Variants in SMG5 observed in about 807,000 individuals in gnomAD.
SMG5 encodes nonsense-mediated mRNA decay factor SMG5.
Under a neutral mutation model 122.9 loss-of-function variants are expected in SMG5, and 53 were observed. That is an observed-to-expected ratio of 0.43 (90% CI 0.35 to 0.54). SMG5 has a LOEUF of 0.54. SMG5 is among the 20% of genes least tolerant of loss of function. SMG5 has a pLI of 0.01. For synonymous variants in SMG5, 477 were observed against 490.2 expected, an observed-to-expected ratio of 0.97 and a Z score of 0.35; for missense variants, 1,153 against 1,285.6, an observed-to-expected ratio of 0.90 and a Z score of 1.58.
chr1:156,267,483 G>C lies in SMG5; in HGVS notation c.1104C>G (p.Ser368Arg), dbSNP rs932037708. The change falls in exon 10 of 22, where the codon AGC becomes AGG. Residue 368 changes from serine (S) to arginine (R), a missense_variant. By Grantham distance (110) the Ser-to-Arg change is moderately radical. Transcript: ENST00000361813. ...MVIICLMCVH[S>R]LERAGSKQYS... ...AGGGAAGGTTACCTGCTCTCTCCAA[G>C]CTGTGCACACACATAAGGCAGATGA... 5 of 1,614,008 alleles carry C rather than the reference G, an allele frequency of 3.1e-6. No individual in the cohort carries two copies. The African/African-American group carries it at 5.3e-5, about 17-fold the overall frequency.
chr1:156,289,390 C>G, the SMG5 span, among the ~76,000 whole-genome samples: 1 of 151,540 alleles, frequency 6.6e-6, no homozygotes, highest in Non-Finnish European at 1.5e-5. Flanking sequence ...GGGTGGATCA[C>G]CAGGTCAGGA....
In SMG5 at chr1:156,261,339, C is replaced by T. The variant is rs199624405; in HGVS notation, c.2101G>A (p.Glu701Lys). The T allele has an allele frequency of 6.3e-5, 101 of 1,614,142 alleles. 1 individual carries two copies. In the East Asian group the frequency reaches 1.8e-3, roughly 28 times the overall value. The change falls in exon 14 of 22, where the codon GAG becomes AAG. Residue 701 changes from glutamate (E) to lysine (K), a missense_variant. Transcript: ENST00000361813. ...GTGCCAGGGACCCACTCACCAGACT[C>T]CTGGAGTTCACCAGCAGCAGGCAAC... Reference protein sequence around the residue: ...NLLPAAGELQESGLALCPEVQ... With the variant: ...NLLPAAGELQKSGLALCPEVQ...
chr1:156,287,411 G>T (rs555052377), upstream of SMG5, among the ~76,000 whole-genome samples: 117 of 152,088 alleles, frequency 7.7e-4, no homozygotes, highest in Non-Finnish European at 8.2e-4. Context: ...GTGAGACTCC[G>T]TCTCAAACAA....
intron 7 of SMG5, among the ~76,000 whole-genome samples, chr1:156,269,252 G>A (rs1488774463): frequency 6.6e-6 from 1 of 152,020 alleles, no homozygotes; most frequent in Admixed American, 6.5e-5. Context: ...TTATAGGCAC[G>A]AGCCACTGCG....
Position 156,261,415 on chromosome 1 carries a change from A to G in SMG5, c.2032-7T>C. ...TCCACAGACTTTGAGAGCTCTGGGG[A>G]GAGAGAAGGGAGAGGAGGCCTTCAG... On this transcript the variant is annotated splice_region_variant and splice_polypyrimidine_tract_variant and intron_variant, in intron 13 of 21. Coordinates refer to ENST00000361813, the MANE Select transcript of SMG5 (RefSeq NM_015327.3). 1.9e-6 allele frequency: 3 copies of G among 1,613,688 alleles called. No homozygotes were observed. Among genetic ancestry groups the G allele is most frequent in the Non-Finnish European group, 2.5e-6 (3 of 1,179,654 alleles).
chr1:156,285,485 C>T (rs1215386261), upstream of SMG5: 15 of 1,614,010 alleles, frequency 9.3e-6, no homozygotes, highest in Non-Finnish European at 1.3e-5. Flanking sequence ...GCCCAGTGCT[C>T]CGTTCCCGGA....
chr1:156,278,043 C>T lies in SMG5; in HGVS notation c.179G>A (p.Arg60His), dbSNP rs1375264011. ...GAACATAAGCTTGACGCAGAGCTCA[C>T]GCAGCCTGGAGGGTGTAGAGGAGCA... Reference protein sequence around the residue: ...PENISLRNKLRELCVKLMFLH... With the variant: ...PENISLRNKLHELCVKLMFLH... The change falls in exon 3 of 22, where the codon CGT becomes CAT. Residue 60 changes from arginine (R) to histidine (H), a missense_variant. By Grantham distance (29) the Arg-to-His change is conservative. Coordinates refer to ENST00000361813, the MANE Select transcript of SMG5 (RefSeq NM_015327.3). 5.0e-6 allele frequency: 8 copies of T among 1,613,906 alleles called. No individual in the cohort carries two copies. The highest frequency in any genetic ancestry group is 4.2e-6 in the Non-Finnish European group (5 of 1,179,856).
At chr1:156,283,697 A>G (rs775786510), upstream of SMG5, among the ~76,000 whole-genome samples, 1 of 152,146 alleles carries the variant, frequency 6.6e-6, no homozygotes, top group Admixed American at 6.5e-5. Context: ...TTCTACCACT[A>G]TGCTCCTGGC....
chr1:156,286,246 C>T, upstream of SMG5: 1 of 1,613,350 alleles, frequency 6.2e-7, no homozygotes, highest in Non-Finnish European at 8.5e-7. Context: ...ACCCTGTTTC[C>T]CAACTCCACC....
At chr1:156,278,270 CATT>C (rs1156590280) in intron 2 of SMG5, among the ~76,000 whole-genome samples, 2 of 152,106 alleles carry the variant, frequency 1.3e-5, no homozygotes, top group Non-Finnish European at 2.9e-5. Flanking sequence ...AGTTTTTCCT[CATT>C]TTTTCCCTTT....
chr1:156,283,279 C>A (rs1176287398), upstream of SMG5, among the ~76,000 whole-genome samples: 1 of 152,214 alleles, frequency 6.6e-6, no homozygotes, highest in Non-Finnish European at 1.5e-5. Flanking sequence ...AGGAGTAAAG[C>A]CCCGGAAGAA....
Position 156,263,441 on chromosome 1 carries a change from AG to A in SMG5, c.1984del (p.Leu662TrpfsTer29). The A allele has an allele frequency of 1.2e-6, 2 of 1,614,268 alleles. No homozygotes were observed. Among genetic ancestry groups the A allele is most frequent in the Non-Finnish European group, 1.7e-6 (2 of 1,180,048 alleles). Reference sequence around the variant, plus strand: ...GTCGGGGTTGGTCCGAAGCCAGTCCAGGAAGACTTTCACAGCAGGAAGCAGA... The same window carrying A: ...GTCGGGGTTGGTCCGAAGCCAGTCCAGAAGACTTTCACAGCAGGAAGCAGA... ...EGLLPAVKVF[L>X]DWLRTNPDLI... On this transcript the variant is annotated frameshift_variant, in exon 13 of 22. Coordinates refer to ENST00000361813, the MANE Select transcript of SMG5 (RefSeq NM_015327.3). LOFTEE classifies it high-confidence loss of function.
In SMG5 at chr1:156,249,964, G is replaced by A; in HGVS notation, c.*623C>T. 1 of 470,782 alleles carries A rather than the reference G, an allele frequency of 2.1e-6. No individual in the cohort carries two copies. The highest frequency in any genetic ancestry group is 4.4e-6 in the Non-Finnish European group (1 of 226,820). 29.2% of individuals were successfully genotyped at this position (470,782 alleles called of 1,614,324 possible). A position where few individuals can be genotyped will look rare whatever the true frequency, so the allele number is the denominator to read the frequency against. On this transcript the variant is annotated 3_prime_UTR_variant, in exon 22 of 22. Transcript: ENST00000361813. Reference sequence around the variant, plus strand: ...ATGGGATGTGCAGCCCCTGCAGCAGGAGGAGGAGCACACGAACCCTGACCC... The same window carrying A: ...ATGGGATGTGCAGCCCCTGCAGCAGAAGGAGGAGCACACGAACCCTGACCC...
chr1:156,282,401 T>G (rs1042389140), intron 1 of SMG5, among the ~76,000 whole-genome samples: 1 of 152,078 alleles, frequency 6.6e-6, no homozygotes, highest in Non-Finnish European at 1.5e-5. Context: ...CTCCACGTGC[T>G]TCCCTCCAAA....
intron 4 of SMG5, among the ~76,000 whole-genome samples, chr1:156,275,868 C>T (rs141020633): frequency 1.4e-5 from 2 of 146,632 alleles, no homozygotes; most frequent in East Asian, 4.0e-4. Context: ...GGCTGGAGTT[C>T]CAGCGATGAA....
At chr1:156,270,384 G>T (rs960287035) in intron 7 of SMG5, among the ~76,000 whole-genome samples, 2 of 152,194 alleles carry the variant, frequency 1.3e-5, no homozygotes, top group African/African-American at 4.8e-5. Flanking sequence ...ACCACGCATG[G>T]TCCTAAGACC....
intron 12 of SMG5, among the ~76,000 whole-genome samples, chr1:156,265,541 A>G (rs1662086059): frequency 6.6e-6 from 1 of 152,090 alleles, no homozygotes; most frequent in South Asian, 2.1e-4. Flanking sequence ...CCCCAAACCC[A>G]CAGGACAGGG....
chr1:156,252,803 G>A, intron 18 of SMG5, 116 bp downstream of exon 18: 4 of 1,142,778 alleles, frequency 3.5e-6, no homozygotes, highest in Non-Finnish European at 4.8e-6. Context: ...CACAAAGGTA[G>A]TAAGACTTGA....
At chr1:156,276,574 AAGG>A (rs1265600629) in intron 4 of SMG5, among the ~76,000 whole-genome samples, 1 of 152,218 alleles carries the variant, frequency 6.6e-6, no homozygotes, top group Non-Finnish European at 1.5e-5. Flanking sequence ...GAGCTGGGTG[AAGG>A]AGCTCTAAAG....
Sources: gnomAD v4.1 joint callset for allele counts (sites outside exome capture counted in the v4.1 genomes callset) on GRCh38, gnomAD v4.1.1 for gene constraint, MANE v1.5 for transcripts, NCBI Gene and HGNC (gene_info 2026-07-23, HGNC 2026-07-21) for gene names.